The following CRACR2A variants were observed in gnomAD, a reference collection of about 807,000 sequenced individuals.
CRACR2A encodes calcium release activated channel regulator 2A, also known as EF-hand calcium-binding domain-containing protein 4B.
In CRACR2A, 79 loss-of-function variants were observed where a neutral mutation model predicts 90.5. The observed-to-expected ratio is 0.87, with a 90% CI of 0.73 to 1.05. The LOEUF is 1.05. CRACR2A is among the 50% of genes least tolerant of loss of function. CRACR2A has a pLI of 0.00. For synonymous variants in CRACR2A, 338 were observed against 356.7 expected, an observed-to-expected ratio of 0.95 and a Z score of 0.59; for missense variants, 823 against 897.2, an observed-to-expected ratio of 0.92 and a Z score of 1.06.
At chr12:3,677,269 T>A (rs1945353461) in intron 6 of CRACR2A, among the ~76,000 whole-genome samples, 1 of 152,226 alleles carries the variant, frequency 6.6e-6, no homozygotes, top group Admixed American at 6.5e-5. Flanking sequence ...TTTCCCTATC[T>A]GAGGTCTCAC....
At chr12:3,697,318 C>A (rs1945759122) in intron 3 of CRACR2A, among the ~76,000 whole-genome samples, 1 of 152,194 alleles carries the variant, frequency 6.6e-6, no homozygotes, top group African/African-American at 2.4e-5. Context: ...AAAATAATTT[C>A]TTCCCATTTA....
intron 1 of CRACR2A, among the ~76,000 whole-genome samples, chr12:3,733,668 A>G (rs191288871): frequency 1.3e-5 from 2 of 152,290 alleles, no homozygotes; most frequent in East Asian, 1.9e-4. Context: ...CCACTGGATC[A>G]GACAACACCA....
At chr12:3,704,878 A>C (rs1945891882) in intron 3 of CRACR2A, among the ~76,000 whole-genome samples, 1 of 152,194 alleles carries the variant, frequency 6.6e-6, no homozygotes, top group Admixed American at 6.5e-5. Flanking sequence ...TTCTCTCTTA[A>C]CCCTGTGTCC....
chr12:3,640,513 GAATC>G (rs1177384891), intron 13 of CRACR2A: 2 of 1,214,246 alleles, frequency 1.6e-6, no homozygotes, highest in South Asian at 1.5e-5. Context: ...AACGTCTGCT[GAATC>G]AATCAATCAA....
At chr12:3,747,941 G>C (rs1946650592) in intron 1 of CRACR2A, among the ~76,000 whole-genome samples, 2 of 149,392 alleles carry the variant, frequency 1.3e-5, no homozygotes, top group African/African-American at 5.1e-5. Context: ...AGGGCACAGA[G>C]CTCCACAGGC....
At position 3,640,046 on chromosome 12, in the gene CRACR2A, T is replaced by C. The variant is rs28477782; in HGVS notation, c.1272-1592A>G. On this transcript the variant is annotated intron_variant, in intron 13 of 19. Coordinates refer to ENST00000440314, the MANE Select transcript of CRACR2A (RefSeq NM_001144958.2). ...AAAGGCTTTGCAACCAGAAAAGAAA[T>C]AGTCACTTAAACAGGCATTAAAACA... Among the ~76,000 whole-genome samples the C allele has an allele frequency of 2.2e-3, 333 of 152,280 alleles. 1 individual carries two copies. The highest frequency in any genetic ancestry group is 7.6e-3 in the African/African-American group (315 of 41,540).
intron 6 of CRACR2A, among the ~76,000 whole-genome samples, chr12:3,677,821 CCA>C (rs1591679967): frequency 6.6e-6 from 1 of 152,226 alleles, no homozygotes; most frequent in Non-Finnish European, 1.5e-5. Flanking sequence ...TGTAGCGCCC[CCA>C]CCAGGATCTT....
intron 14 of CRACR2A, among the ~76,000 whole-genome samples, chr12:3,634,752 C>T (rs1219789852): frequency 6.6e-6 from 1 of 152,126 alleles, no homozygotes; most frequent in Non-Finnish European, 1.5e-5. Flanking sequence ...ATTAGCAGTA[C>T]TTGAGTTTCA....
At chr12:3,678,335 G>C (rs1945374323) in intron 6 of CRACR2A, among the ~76,000 whole-genome samples, 1 of 152,174 alleles carries the variant, frequency 6.6e-6, no homozygotes, top group African/African-American at 2.4e-5. Flanking sequence ...TTTCCAAGTA[G>C]TGGCCTGCTA....
intron 3 of CRACR2A, among the ~76,000 whole-genome samples, chr12:3,708,447 C>T (rs533214649): frequency 7.9e-5 from 12 of 152,184 alleles, no homozygotes; most frequent in African/African-American, 2.9e-4. Context: ...TTTTTTGAGA[C>T]GGAGTCTCAC....
intron 19 of CRACR2A, 88 bp downstream of exon 19, chr12:3,616,866 G>T: frequency 1.9e-6 from 2 of 1,049,578 alleles, no homozygotes; most frequent in South Asian, 2.8e-5. Flanking sequence ...CAGAGGTGTG[G>T]CCTGGGTGGA....
chr12:3,620,034 G>C (rs1467461834), intron 17 of CRACR2A, among the ~76,000 whole-genome samples: 3 of 152,264 alleles, frequency 2.0e-5, no homozygotes, highest in African/African-American at 7.2e-5. Flanking sequence ...TGTGGCCATA[G>C]CAGCTGCACT....
intron 3 of CRACR2A, among the ~76,000 whole-genome samples, chr12:3,702,085 C>T (rs545135323): frequency 6.6e-6 from 1 of 152,196 alleles, no homozygotes; most frequent in Admixed American, 6.5e-5. Flanking sequence ...TCAATAGATA[C>T]AGAAAACGCA....
chr12:3,745,252 T>C (rs1946592076), intron 1 of CRACR2A, among the ~76,000 whole-genome samples: 1 of 152,152 alleles, frequency 6.6e-6, no homozygotes, highest in African/African-American at 2.4e-5. Context: ...CTGAAAGATC[T>C]AGAGGTTCTT....
chr12:3,640,916 GTTAA>G, intron 13 of CRACR2A: 4 of 994,752 alleles, frequency 4.0e-6, no homozygotes, highest in Non-Finnish European at 5.3e-6. Flanking sequence ...TTATGTTTGA[GTTAA>G]TTAAATATAG....
chr12:3,646,800 G>A (rs1944694579), intron 11 of CRACR2A, among the ~76,000 whole-genome samples: 1 of 152,148 alleles, frequency 6.6e-6, no homozygotes, highest in Admixed American at 6.5e-5. Flanking sequence ...CTGCTTTGTG[G>A]CTTCCTGCTT....
chr12:3,707,182 G>A (rs989837088), intron 3 of CRACR2A, among the ~76,000 whole-genome samples: 5 of 151,994 alleles, frequency 3.3e-5, no homozygotes, highest in Admixed American at 6.6e-5. Flanking sequence ...TTTGAAATGC[G>A]CAGTCTTTCC....
chr12:3,666,354 T>TGTGTGTGTGTGTGTGTGC (rs372810487), intron 7 of CRACR2A, among the ~76,000 whole-genome samples: 5 of 144,966 alleles, frequency 3.4e-5, no homozygotes, highest in African/African-American at 1.4e-4. Flanking sequence ...TGTGTGTGTG[T>TGTGTGTGTGTGTGTGTGC]GCGTGCGTGT....
At chr12:3,653,594 T>C (rs1476402734) in intron 10 of CRACR2A, among the ~76,000 whole-genome samples, 2 of 152,140 alleles carry the variant, frequency 1.3e-5, no homozygotes, top group East Asian at 1.9e-4. Context: ...CTAACCCCCA[T>C]GGCTGGACGA....
Sources: gnomAD v4.1 joint callset for allele counts (sites outside exome capture counted in the v4.1 genomes callset) on GRCh38, gnomAD v4.1.1 for gene constraint, MANE v1.5 for transcripts, NCBI Gene and HGNC (gene_info 2026-07-23, HGNC 2026-07-21) for gene names.